Variants in LDLRAD4 observed in about 807,000 individuals in gnomAD.
LDLRAD4 encodes low-density lipoprotein receptor class A domain-containing protein 4.
A neutral mutation model predicts 17.0 loss-of-function variants in LDLRAD4; 5 were observed. The ratio of observed to expected loss-of-function variants is 0.29; its 90% confidence interval spans 0.15 to 0.62. The LOEUF (loss-of-function observed/expected upper bound fraction) is 0.62. Among genes scored for constraint, LDLRAD4 ranks in the 20% least tolerant of loss-of-function variants. LDLRAD4 has a pLI of 0.84. For missense variants in LDLRAD4, 340 were observed against 424.7 expected (o/e 0.80, Z 1.75); for synonymous variants, 168 against 171.8 (o/e 0.98, Z 0.17).
chr18:13,312,742 TA>T (rs1406383176), intron 1 of LDLRAD4, among the ~76,000 whole-genome samples: 3 of 151,742 alleles, frequency 2.0e-5, no homozygotes, highest in Non-Finnish European at 4.4e-5. Flanking sequence ...ATCCTGTCTA[TA>T]AAAAAAAGGA....
Position 13,621,317 on chromosome 18 carries a change from A to T in LDLRAD4, c.336+46A>T. Reference sequence around the variant, plus strand: ...GGCTCCAGAGTCAGGCAGCTGCAAGAGGCTTAGGAGCCCATCAGGGTTCAG... The same window carrying T: ...GGCTCCAGAGTCAGGCAGCTGCAAGTGGCTTAGGAGCCCATCAGGGTTCAG... On this transcript the variant is annotated intron_variant, in intron 4 of 5. Transcript: ENST00000359446. The surrounding 1 kb of genome is among the most constrained non-coding windows in gnomAD (Gnocchi z 5.5). The T allele has an allele frequency of 6.7e-7, 1 of 1,486,804 alleles. No homozygotes were observed. Among genetic ancestry groups the T allele is most frequent in the Non-Finnish European group, 9.3e-7 (1 of 1,073,272 alleles). The allele number at this position is 1,486,804 out of a possible 1,614,324, so 92.1% of individuals were successfully genotyped here.
In LDLRAD4 at chr18:13,388,785, A is replaced by G. The variant is rs535748309; in HGVS notation, c.40+1023A>G. On this transcript the variant is annotated intron_variant, in intron 2 of 5. Transcript: ENST00000359446. ...GGAGCGCCGCTGTGGTGCCTCTCCA[A>G]GGAAGAACGAGGGGACGGGTCTTCC... Among the ~76,000 whole-genome samples the G allele has an allele frequency of 1.0e-3, 159 of 152,354 alleles. 1 individual carries two copies. The highest frequency in any genetic ancestry group is 6.8e-3 in the Middle Eastern group (2 of 294).
chr18:13,303,702 C>T (rs1418406752), intron 1 of LDLRAD4, among the ~76,000 whole-genome samples: 1 of 152,078 alleles, frequency 6.6e-6, no homozygotes, highest in Non-Finnish European at 1.5e-5. Flanking sequence ...AATGAATCCC[C>T]CTCCTCCTCA....
chr18:13,633,357 A>G (rs544086606), intron 4 of LDLRAD4, among the ~76,000 whole-genome samples: 2 of 152,364 alleles, frequency 1.3e-5, no homozygotes, highest in South Asian at 4.1e-4. Flanking sequence ...GCTTTAGGCC[A>G]TTCCTGGCTT....
chr18:13,455,089 C>T (rs1200484671), intron 3 of LDLRAD4, among the ~76,000 whole-genome samples: 2 of 152,152 alleles, frequency 1.3e-5, no homozygotes, highest in Non-Finnish European at 2.9e-5. Flanking sequence ...TGTGCAGGAG[C>T]TGGGGGCTGG....
At chr18:13,277,292 C>T (rs1480377302), upstream of LDLRAD4, among the ~76,000 whole-genome samples, 3 of 152,328 alleles carry the variant, frequency 2.0e-5, no homozygotes, top group East Asian at 5.8e-4. Context: ...AGAGTGTGTC[C>T]TGCACACTGG....
chr18:13,546,228 C>T (rs1302441777), intron 3 of LDLRAD4, among the ~76,000 whole-genome samples: 1 of 152,042 alleles, frequency 6.6e-6, no homozygotes. Context: ...AGTGGAAGGT[C>T]AAGGGGTAAG....
chr18:13,231,610 T>G (rs1332160503), intron 1 of LDLRAD4, among the ~76,000 whole-genome samples: 1 of 152,218 alleles, frequency 6.6e-6, no homozygotes, highest in East Asian at 1.9e-4. Flanking sequence ...TGATATTTGT[T>G]TACATTTCAC....
intron 3 of LDLRAD4, among the ~76,000 whole-genome samples, chr18:13,503,025 A>G (rs2093636713): frequency 6.6e-6 from 1 of 152,174 alleles, no homozygotes; most frequent in African/African-American, 2.4e-5. Flanking sequence ...ATTAACATGA[A>G]CCTGAGAGGC....
rs373278339 is a variant in LDLRAD4 at position 13,343,718 on chromosome 18, G to A, written c.-382-43623G>A. 4.9e-4 allele frequency among the ~76,000 whole-genome samples: 74 copies of A among 152,194 alleles called. 2 individuals are homozygous for A. In the East Asian group the frequency reaches 0.012, roughly 25 times the overall value. On this transcript the variant is annotated intron_variant, in intron 1 of 5. Coordinates refer to ENST00000359446, the Ensembl canonical transcript of LDLRAD4. ...CCACCAACAGTGTAAAAGTGTTCCT[G>A]TTTCTCTACATCCTCTCCAGCACCT...
At chr18:13,376,663 C>T (rs2084932971) in intron 1 of LDLRAD4, among the ~76,000 whole-genome samples, 1 of 152,154 alleles carries the variant, frequency 6.6e-6, no homozygotes, top group South Asian at 2.1e-4. Flanking sequence ...CCTCGGCGTC[C>T]GGTGCTGTGG....
At chr18:13,569,075 A>G (rs1268084346) in intron 3 of LDLRAD4, among the ~76,000 whole-genome samples, 1 of 152,248 alleles carries the variant, frequency 6.6e-6, no homozygotes, top group Admixed American at 6.5e-5. Flanking sequence ...TTTGAAAAAA[A>G]AAATGATTAT....
Position 13,562,567 on chromosome 18 carries a change from G to A in LDLRAD4, c.182-58550G>A, listed in dbSNP as rs188931099. ...AGGCTCACATGTTCACCACCCACGC[G>A]GTCCGTCAGAGCCTCAGAACTTGTT... On this transcript the variant is annotated intron_variant, in intron 3 of 5. Coordinates refer to ENST00000359446, the Ensembl canonical transcript of LDLRAD4. Among the ~76,000 whole-genome samples the A allele has an allele frequency of 2.6e-5, 4 of 152,230 alleles. No individual in the cohort carries two copies. In the East Asian group the frequency reaches 5.8e-4, roughly 22 times the overall value.
chr18:13,479,265 AATT>A (rs1189524209), intron 3 of LDLRAD4, among the ~76,000 whole-genome samples: 2 of 152,362 alleles, frequency 1.3e-5, no homozygotes, highest in East Asian at 3.9e-4. Flanking sequence ...TGAAAAAAAT[AATT>A]GAGAAGCTGC....
intron 1 of LDLRAD4, among the ~76,000 whole-genome samples, chr18:13,299,119 TGA>T (rs1324849626): frequency 6.6e-6 from 1 of 152,166 alleles, no homozygotes; most frequent in African/African-American, 2.4e-5. Flanking sequence ...CCAGTTAGTG[TGA>T]GATCGGAGCA....
chr18:13,239,032 G>C (rs139655552), intron 1 of LDLRAD4, among the ~76,000 whole-genome samples: 4,701 of 151,742 alleles, frequency 0.031, 232 homozygotes, highest in African/African-American at 0.1. Flanking sequence ...CTAAAAATAA[G>C]AAAAATTAGC....
At chr18:13,310,999 C>G (rs544341272) in intron 1 of LDLRAD4, among the ~76,000 whole-genome samples, 1 of 152,248 alleles carries the variant, frequency 6.6e-6, no homozygotes, top group African/African-American at 2.4e-5. Flanking sequence ...AGAGTCTCAG[C>G]TCCCTCCTCT....
intron 3 of LDLRAD4, among the ~76,000 whole-genome samples, chr18:13,593,809 G>C (rs1420557516): frequency 6.6e-6 from 1 of 151,916 alleles, no homozygotes; most frequent in Non-Finnish European, 1.5e-5. Flanking sequence ...TTAGAGACAG[G>C]GTCTGTCTGT....
At chr18:13,387,676 G>T (rs2085933458) in exon 2 of LDLRAD4, 1 of 1,599,990 alleles carries the variant, frequency 6.3e-7, no homozygotes. Context: ...CGGCTTCCTC[G>T]ACGGGACAGC....
Sources: allele counts gnomAD v4.1 joint callset (sites outside exome capture counted in the v4.1 genomes callset), GRCh38; gene constraint gnomAD v4.1.1; non-coding constraint Gnocchi (gnomAD v3.1); transcripts MANE v1.5; gene names NCBI Gene and HGNC (gene_info 2026-07-23, HGNC 2026-07-21).